PSMA5: variants seen among roughly 807,000 people sequenced by gnomAD.
PSMA5 encodes proteasome subunit alpha type-5.
In PSMA5, 3 loss-of-function variants were observed where a neutral mutation model predicts 34.5. The observed-to-expected ratio is 0.09, with a 90% CI of 0.04 to 0.22. The LOEUF (loss-of-function observed/expected upper bound fraction) is 0.22. Among genes scored for constraint, PSMA5 ranks in the 10% least tolerant of loss-of-function variants. PSMA5 has a pLI of 1.00. For synonymous variants in PSMA5, 88 were observed against 95.8 expected (o/e 0.92, Z 0.47); for missense variants, 120 against 286.1 (o/e 0.42, Z 4.19).
rs769340640 is a variant in PSMA5, at chr1:109,402,077, T to A, written c.662A>T (p.Gln221Leu). The stretch of plus-strand genomic sequence containing the variant: ...GAACATGTGGAAATTCTGGCCAGGC[T>A]GCACTGTGGCTAGCTGGAAAGAAAA... ...NATNIELATV[Q>L]PGQNFHMFTK... Residue 221 changes from glutamine to leucine, a missense_variant, in exon 9 of 9, where the codon CAG (glutamine) becomes CTG (leucine). Coordinates refer to ENST00000271308, the MANE Select transcript of PSMA5 (RefSeq NM_002790.4). 2 of 1,612,236 alleles carry A rather than the reference T, an allele frequency of 1.2e-6. No individual in the cohort carries two copies. The highest frequency in any genetic ancestry group is 2.2e-5 in the East Asian group (1 of 44,786).
chr1:109,424,128 CCTA>C (rs1196565392), intron 1 of PSMA5, among the ~76,000 whole-genome samples: 3 of 152,154 alleles, frequency 2.0e-5, no homozygotes, highest in Non-Finnish European at 4.4e-5. Context: ...TTATTAAATT[CCTA>C]CTCTTTCAAG....
At chr1:109,424,150 T>C (rs1207247939) in intron 1 of PSMA5, among the ~76,000 whole-genome samples, 1 of 152,222 alleles carries the variant, frequency 6.6e-6, no homozygotes, top group Admixed American at 6.5e-5. Context: ...AGAAACCTAG[T>C]TTAAATGTCA....
At chr1:109,418,373 G>C (rs953315735) in intron 2 of PSMA5, among the ~76,000 whole-genome samples, 1 of 152,184 alleles carries the variant, frequency 6.6e-6, no homozygotes, top group Non-Finnish European at 1.5e-5. Flanking sequence ...ATGGAGTGCA[G>C]TGGCACAATC....
intron 3 of PSMA5, among the ~76,000 whole-genome samples, chr1:109,414,192 TC>T (rs1654108714): frequency 6.6e-6 from 1 of 152,178 alleles, no homozygotes; most frequent in South Asian, 2.1e-4. Flanking sequence ...TCATTTCTAT[TC>T]CCCCTGACTA....
intron 2 of PSMA5, 91 bp from the exon 3 acceptor site, chr1:109,415,454 A>G (rs1007957067): frequency 2.2e-6 from 3 of 1,377,918 alleles, no homozygotes; most frequent in Non-Finnish European, 2.9e-6. Context: ...TTCACATGAT[A>G]GAAACTTCAA....
intron 2 of PSMA5, 91 bp downstream of exon 2, chr1:109,421,769 G>T: frequency 1.9e-6 from 2 of 1,029,050 alleles, no homozygotes; most frequent in South Asian, 3.1e-5. Flanking sequence ...TTTTCTAAAG[G>T]AATGGTTAAA....
At chr1:109,424,382 T>C (rs955397535) in intron 1 of PSMA5, among the ~76,000 whole-genome samples, 2 of 152,160 alleles carry the variant, frequency 1.3e-5, no homozygotes, top group African/African-American at 4.8e-5. Context: ...TCTCACTATG[T>C]TGCCCAGGCT....
In PSMA5 at chr1:109,426,247, G is replaced by C. The variant is rs989699284; in HGVS notation, c.29+55C>G. ...CGGCAGAACCCAGGCCGCGCGGCCA[G>C]GTCCCGGGCCTGCCCACCCATAATT... On this transcript the variant is annotated intron_variant, in intron 1 of 8. Coordinates refer to ENST00000271308, the MANE Select transcript of PSMA5 (RefSeq NM_002790.4). 6.8e-6 allele frequency: 11 copies of C among 1,608,022 alleles called. No individual in the cohort carries two copies. The Admixed American group carries it at 1.5e-4, about 22-fold the overall frequency.
chr1:109,403,187 T>C (rs1042398981), intron 8 of PSMA5, among the ~76,000 whole-genome samples: 5 of 152,228 alleles, frequency 3.3e-5, no homozygotes, highest in Admixed American at 3.3e-4. Flanking sequence ...TTAACTATCA[T>C]GACTAGGTTT....
intron 8 of PSMA5, among the ~76,000 whole-genome samples, chr1:109,402,462 C>T (rs1227689356): frequency 6.6e-6 from 1 of 152,148 alleles, no homozygotes; most frequent in South Asian, 2.1e-4. Flanking sequence ...TATTTAAATA[C>T]TTAAAAGTTG....
intron 1 of PSMA5, among the ~76,000 whole-genome samples, chr1:109,423,113 G>C (rs1237226239): frequency 1.3e-5 from 2 of 152,240 alleles, no homozygotes; most frequent in African/African-American, 4.8e-5. Context: ...GGTTTATGGA[G>C]TCCAGACTTT....
chr1:109,426,059 C>T lies in PSMA5; in HGVS notation c.29+243G>A, dbSNP rs1056941233. 75 of 584,740 alleles carry T rather than the reference C, an allele frequency of 1.3e-4. 1 individual carries two copies. The highest frequency in any genetic ancestry group is 1.2e-3 in the African/African-American group (62 of 53,806). 36.2% of individuals were successfully genotyped at this position (584,740 alleles called of 1,614,324 possible). A position where few individuals can be genotyped will look rare whatever the true frequency, so the allele number is the denominator to read the frequency against. On this transcript the variant is annotated intron_variant, in intron 1 of 8. Transcript: ENST00000271308. Reference sequence around the variant, plus strand: ...TCACGCCTTCTTTACCAAGCACCAGCCGGAGCTTCTCGCTTCCGCACCGAG... The same window carrying T: ...TCACGCCTTCTTTACCAAGCACCAGTCGGAGCTTCTCGCTTCCGCACCGAG...
chr1:109,426,220 C>A, intron 1 of PSMA5, 82 bp downstream of exon 1: 1 of 1,571,206 alleles, frequency 6.4e-7, no homozygotes, highest in Non-Finnish European at 8.8e-7. Context: ...AGCCCCATGA[C>A]ACGGCAGAAC....
chr1:109,426,317 C>T lies in PSMA5; in HGVS notation c.14G>A (p.Arg5Gln). 1 of 1,612,504 alleles carries T rather than the reference C, an allele frequency of 6.2e-7. No homozygotes were observed. The highest frequency in any genetic ancestry group is 8.5e-7 in the Non-Finnish European group (1 of 1,179,244). Residue 5 changes from arginine (R) to glutamine (Q), a missense_variant, in exon 1 of 9, where the codon CGG (arginine) becomes CAG (glutamine). This residue lies in a region of PSMA5 where 17 missense variants were observed against 63.5 expected (regional missense o/e 0.27). Transcript: ENST00000271308. MFLT[R>Q]SEYDRGVNTF... ...CTGCACGGACCTGTCGTACTCAGACCGGGTAAGAAACATGGCGAGGGTAGG... is the reference window on the plus strand; with the variant it reads ...CTGCACGGACCTGTCGTACTCAGACTGGGTAAGAAACATGGCGAGGGTAGG...
chr1:109,421,395 G>A (rs1205313246), intron 2 of PSMA5, among the ~76,000 whole-genome samples: 5 of 151,468 alleles, frequency 3.3e-5, no homozygotes, highest in South Asian at 4.2e-4. Context: ...CCCGAGGGGC[G>A]GAGGTTGCAG....
At position 109,399,997 on chromosome 1, in the gene PSMA5, T is replaced by C. The variant is rs1653437990; in HGVS notation, c.*2016A>G. The stretch of plus-strand genomic sequence containing the variant: ...ATTACACATCATGAAACCATTGCTG[T>C]TCGTAGTAAGATCACTTCTTTAACC... On this transcript the variant is annotated 3_prime_UTR_variant, in exon 9 of 9. Transcript: ENST00000271308. The C allele has an allele frequency of 6.6e-6, 1 of 152,194 alleles. No individual in the cohort carries two copies. Among genetic ancestry groups the C allele is most frequent in the Admixed American group, 6.5e-5 (1 of 15,282 alleles). The allele number at this position is 152,194 out of a possible 1,614,324, so 9.4% of individuals were successfully genotyped here. A position where few individuals can be genotyped will look rare whatever the true frequency, so the allele number is the denominator to read the frequency against.
Position 109,400,628 on chromosome 1 carries a change from T to C in PSMA5, c.*1385A>G, listed in dbSNP as rs2100947123. ...ATATACTCTAATTCTCTGCTTTCCT[T>C]ATGTGTTATTCTAGGGCAAAATCCC... On this transcript the variant is annotated 3_prime_UTR_variant, in exon 9 of 9. Transcript: ENST00000271308. 1 of 152,366 alleles carries C rather than the reference T, an allele frequency of 6.6e-6. No individual in the cohort carries two copies. The highest frequency in any genetic ancestry group is 1.5e-5 in the Non-Finnish European group (1 of 68,034). 9.4% of individuals were successfully genotyped at this position (152,366 alleles called of 1,614,324 possible).
At chr1:109,421,462 C>CAA (rs947075141) in intron 2 of PSMA5, among the ~76,000 whole-genome samples, 36 of 73,728 alleles carry the variant, frequency 4.9e-4, no homozygotes, top group African/African-American at 1.4e-3. Flanking sequence ...GACTCCATCT[C>CAA]AAAAAAAAAA....
intron 4 of PSMA5, 120 bp from the exon 5 acceptor site, chr1:109,412,304 T>C (rs1654022308): frequency 1.3e-6 from 1 of 749,350 alleles, no homozygotes; most frequent in Non-Finnish European, 2.3e-6. Context: ...TGTGGTTTTC[T>C]TAATTAACAT....
Sources: allele counts gnomAD v4.1 joint callset (sites outside exome capture counted in the v4.1 genomes callset), GRCh38; gene constraint gnomAD v4.1.1; regional missense constraint gnomAD v4.1.1; transcripts MANE v1.5; gene names NCBI Gene and HGNC (gene_info 2026-07-23, HGNC 2026-07-21).